Variants in SEZ6 observed in about 807,000 individuals in gnomAD.
SEZ6 encodes seizure protein 6 homolog.
A neutral mutation model predicts 101.0 loss-of-function variants in SEZ6; 53 were observed. The ratio of observed to expected loss-of-function variants is 0.52; its 90% CI spans 0.42 to 0.66. The LOEUF is 0.66. Among genes scored for constraint, SEZ6 ranks in the 30% least tolerant of loss-of-function variants. SEZ6 has a pLI of 0.00. For synonymous variants in SEZ6, 488 were observed against 512.2 expected (o/e 0.95, Z 0.64); for missense variants, 1,102 against 1,289.4 (o/e 0.85, Z 2.23).
At chr17:28,997,980 G>T (rs1203057135) in intron 1 of SEZ6, among the ~76,000 whole-genome samples, 1 of 152,052 alleles carries the variant, frequency 6.6e-6, no homozygotes, top group Non-Finnish European at 1.5e-5. Flanking sequence ...CAGGCTCTGG[G>T]ACTCCTTAGG....
chr17:28,970,680 G>A (rs986410588), intron 3 of SEZ6, among the ~76,000 whole-genome samples: 2 of 152,182 alleles, frequency 1.3e-5, no homozygotes, highest in Non-Finnish European at 2.9e-5. Context: ...TGCCTGTAGG[G>A]CTTAACCCAC....
chr17:28,967,624 C>T (rs752488430), intron 4 of SEZ6, among the ~76,000 whole-genome samples: 19 of 152,254 alleles, frequency 1.2e-4, no homozygotes, highest in East Asian at 7.7e-4. Context: ...GGTTAACTGA[C>T]GCCTAGTGGG....
chr17:28,983,902 C>T (rs528349145), intron 1 of SEZ6, among the ~76,000 whole-genome samples: 4 of 151,890 alleles, frequency 2.6e-5, no homozygotes, highest in Middle Eastern at 3.4e-3. Context: ...AGATGGCCTA[C>T]GTTCTGTTCA....
chr17:28,970,406 T>C (rs1221037891), intron 3 of SEZ6, among the ~76,000 whole-genome samples: 2 of 152,296 alleles, frequency 1.3e-5, no homozygotes, highest in East Asian at 1.9e-4. Context: ...GACATCCCTG[T>C]TGGATGCTTC....
At position 28,959,946 on chromosome 17, in the gene SEZ6, G is replaced by A. The variant is rs2040949941; in HGVS notation, c.1577-54C>T. ...AGCCTTGACTGGTATTAAACACAGTGGGCAAGCATCCCCCTACTTCCCTCC... is the reference window on the plus strand; with the variant it reads ...AGCCTTGACTGGTATTAAACACAGTAGGCAAGCATCCCCCTACTTCCCTCC... On this transcript the variant is annotated intron_variant, in intron 7 of 16. Coordinates refer to ENST00000317338, the MANE Select transcript of SEZ6 (RefSeq NM_178860.5). This position sits in a 1 kb window ranked among gnomAD's most constrained non-coding sequence, Gnocchi z 4.4. The A allele has an allele frequency of 4.5e-6, 7 of 1,539,806 alleles. No homozygotes were observed. The South Asian group carries it at 6.0e-5, about 13-fold the overall frequency.
In SEZ6 at chr17:28,956,453, C is replaced by T. The variant is rs1166664355; in HGVS notation, c.2746G>A (p.Ala916Thr). 6.4e-7 allele frequency: 1 copy of T among 1,555,676 alleles called. No individual in the cohort carries two copies. The highest frequency in any genetic ancestry group is 1.9e-5 in the Admixed American group (1 of 51,498). ...GCAGCATCCAGGGTGCTGGAGGCAG[C>T]AGGTGCCTTGGCAACTGAAGACACA... ...SRSLDVAKAP[A>T]ASSTLDAAHI... The change falls in exon 15 of 17, where the codon GCT (alanine) becomes ACT (threonine). Residue 916 changes from alanine (A) to threonine (T), a missense_variant. Transcript: ENST00000317338.
At chr17:28,974,722 C>T (rs996930232) in intron 3 of SEZ6, among the ~76,000 whole-genome samples, 7 of 152,208 alleles carry the variant, frequency 4.6e-5, no homozygotes, top group African/African-American at 1.4e-4. Flanking sequence ...CAGGCCCTCC[C>T]CAGAACTGGG....
At chr17:28,964,184 C>T in intron 4 of SEZ6, 37 bp from the exon 5 acceptor site, 1 of 1,509,588 alleles carries the variant, frequency 6.6e-7, no homozygotes, top group Non-Finnish European at 9.0e-7. Context: ...TGTATGTGTG[C>T]AGGGTGGGGG....
At chr17:28,963,634 C>T (rs2041019934) in intron 5 of SEZ6, among the ~76,000 whole-genome samples, 1 of 152,212 alleles carries the variant, frequency 6.6e-6, no homozygotes, top group Non-Finnish European at 1.5e-5. Flanking sequence ...GCCCTTGCCT[C>T]CCAGGTCACT....
At position 28,981,396 on chromosome 17, in the gene SEZ6, G is replaced by T; in HGVS notation, c.699C>A (p.Thr233=). 4 of 1,552,488 alleles carry T rather than the reference G, an allele frequency of 2.6e-6. No individual in the cohort carries two copies. The highest frequency in any genetic ancestry group is 3.5e-6 in the Non-Finnish European group (4 of 1,147,284). ...ETTTTTTIIT[T]TITTVQTPGP... is the part of the protein sequence containing the mutation. ...CTGGTGTCTGGACTGTGGTGATGGT[G>T]GTGGTGATGATGGTGGTGGTAGTGG... The change falls in exon 2 of 17, where the codon ACC becomes ACA. Residue 233 remains threonine (T), a synonymous_variant. Coordinates refer to ENST00000317338, the MANE Select transcript of SEZ6 (RefSeq NM_178860.5).
At position 28,958,149 on chromosome 17, in the gene SEZ6, C is replaced by A; in HGVS notation, c.2108-8G>T. 6.3e-7 allele frequency: 1 copy of A among 1,582,452 alleles called. No homozygotes were observed. Among genetic ancestry groups the A allele is most frequent in the South Asian group, 1.1e-5 (1 of 88,818 alleles). On this transcript the variant is annotated splice_polypyrimidine_tract_variant and splice_region_variant and intron_variant, in intron 10 of 16. Coordinates refer to ENST00000317338, the MANE Select transcript of SEZ6 (RefSeq NM_178860.5). ...TGTCATTGCGGGGCACCTCTGGGGGCACAGAGGCACAAGATGCAGGCCCTC... is the reference window on the plus strand; with the variant it reads ...TGTCATTGCGGGGCACCTCTGGGGGAACAGAGGCACAAGATGCAGGCCCTC...
chr17:28,967,522 G>A (rs1312282951), intron 4 of SEZ6, among the ~76,000 whole-genome samples: 1 of 152,212 alleles, frequency 6.6e-6, no homozygotes, highest in Non-Finnish European at 1.5e-5. Flanking sequence ...GTCCAGGGCA[G>A]CCACTCACAG....
intron 3 of SEZ6, among the ~76,000 whole-genome samples, chr17:28,977,680 C>T (rs549044903): frequency 6.6e-6 from 1 of 152,018 alleles, no homozygotes; most frequent in Admixed American, 6.5e-5. Context: ...CAGCCTTGTC[C>T]AGTGGGCTTC....
chr17:28,973,154 A>G (rs2041177309), intron 3 of SEZ6, among the ~76,000 whole-genome samples: 2 of 152,112 alleles, frequency 1.3e-5, no homozygotes, highest in African/African-American at 2.4e-5. Flanking sequence ...CCGTGAATCT[A>G]TAAGATAGGT....
chr17:28,970,679 G>A (rs548367998), intron 3 of SEZ6, among the ~76,000 whole-genome samples: 5 of 152,136 alleles, frequency 3.3e-5, no homozygotes, highest in Non-Finnish European at 7.4e-5. Context: ...CTGCCTGTAG[G>A]GCTTAACCCA....
chr17:28,971,119 C>T (rs933293817), intron 3 of SEZ6, among the ~76,000 whole-genome samples: 1 of 152,226 alleles, frequency 6.6e-6, no homozygotes, highest in Admixed American at 6.5e-5. Flanking sequence ...AGAAGGAACA[C>T]TGGATTGATT....
chr17:28,969,600 C>T (rs1470082813), intron 4 of SEZ6, among the ~76,000 whole-genome samples, 157 bp downstream of exon 4: 1 of 152,190 alleles, frequency 6.6e-6, no homozygotes, highest in Non-Finnish European at 1.5e-5. Flanking sequence ...GCGATACTTA[C>T]CTCCAATTGT....
chr17:28,967,123 CAT>C (rs1159428061), intron 4 of SEZ6, among the ~76,000 whole-genome samples: 1 of 152,230 alleles, frequency 6.6e-6, no homozygotes, highest in Non-Finnish European at 1.5e-5. Flanking sequence ...AGTGAGAAGA[CAT>C]ATGTGCAGTT....
intron 3 of SEZ6, among the ~76,000 whole-genome samples, chr17:28,975,374 G>C (rs1174583191): frequency 6.6e-6 from 1 of 152,194 alleles, no homozygotes; most frequent in Non-Finnish European, 1.5e-5. Flanking sequence ...GAGAAGCCTG[G>C]TGCATCATCT....
Sources: allele counts gnomAD v4.1 joint callset (sites outside exome capture counted in the v4.1 genomes callset), GRCh38; gene constraint gnomAD v4.1.1; non-coding constraint Gnocchi (gnomAD v3.1); transcripts MANE v1.5; gene names NCBI Gene and HGNC (gene_info 2026-07-23, HGNC 2026-07-21).